The following CELSR2 variants were observed in gnomAD, a reference collection of about 807,000 sequenced individuals.
CELSR2 encodes the protein EGF-like protein 2.
Under a neutral mutation model 251.6 loss-of-function variants are expected in CELSR2, and 81 were observed. That is an observed-to-expected ratio of 0.32 (90% confidence interval 0.27 to 0.39). The LOEUF is 0.39. CELSR2 is among the 10% of genes least tolerant of loss of function. The pLI is 1.00. For synonymous variants in CELSR2, 1,721 were observed against 1,670.5 expected (o/e 1.03, Z -0.74); for missense variants, 3,365 against 3,947.7 (o/e 0.85, Z 3.96).
At position 109,249,759 on chromosome 1, in the gene CELSR2, C is replaced by T. The variant is rs1655619804; in HGVS notation, c.-321C>T. On this transcript the variant is annotated 5_prime_UTR_variant, in exon 1 of 34. Transcript: ENST00000271332. ...GGCACCCCGGCTCCGGAACCCGGGGCCCGGCAAGGCCAGGGGCGCCGCGGG... is the reference window on the plus strand; with the variant it reads ...GGCACCCCGGCTCCGGAACCCGGGGTCCGGCAAGGCCAGGGGCGCCGCGGG... Among the ~76,000 whole-genome samples, 1 of 149,474 alleles carries T rather than the reference C, an allele frequency of 6.7e-6. No homozygotes were observed. The highest frequency in any genetic ancestry group is 1.5e-5 in the Non-Finnish European group (1 of 67,074).
At chr1:109,273,409 A>G in intron 32 of CELSR2, 27 bp from the exon 33 acceptor site, 19 of 1,607,294 alleles carry the variant, frequency 1.2e-5, no homozygotes, top group Non-Finnish European at 1.4e-5. Context: ...CTGTGGCCGC[A>G]CCTCACAGCC....
Position 109,273,243 on chromosome 1 carries a change from G to A in CELSR2, c.8416G>A (p.Ala2806Thr), listed in dbSNP as rs1198659317. 2 of 1,612,992 alleles carry A rather than the reference G, an allele frequency of 1.2e-6. No homozygotes were observed. Among genetic ancestry groups the A allele is most frequent in the Non-Finnish European group, 8.5e-7 (1 of 1,179,528 alleles). ...TTAKESSGNG[A>T]PEERLRENGD... Reference sequence around the variant, plus strand: ...AGCAAAAGAGAGTAGTGGCAACGGGGCCCCTGAGGAGCGGCTGCGGGAGAA... The same window carrying A: ...AGCAAAAGAGAGTAGTGGCAACGGGACCCCTGAGGAGCGGCTGCGGGAGAA... Residue 2806 changes from alanine (A) to threonine (T), a missense_variant, in exon 32 of 34, where the codon GCC becomes ACC. Ala to Thr is a moderately conservative substitution (Grantham distance 58). This residue lies in a region of CELSR2 where 2,093 missense variants were observed against 2,382.8 expected (regional missense o/e 0.88). Transcript: ENST00000271332.
intron 8 of CELSR2, 103 bp downstream of exon 8, chr1:109,263,370 T>TCA: frequency 6.8e-7 from 1 of 1,472,310 alleles, no homozygotes; most frequent in Non-Finnish European, 9.0e-7. Flanking sequence ...TGAGCGGGGC[T>TCA]GTGGGTGGAA....
At chr1:109,255,253 T>A (rs1655813776) in intron 1 of CELSR2, among the ~76,000 whole-genome samples, 1 of 152,212 alleles carries the variant, frequency 6.6e-6, no homozygotes, top group East Asian at 1.9e-4. Context: ...TGTCTCTTCT[T>A]TCTTTCCCGC....
At chr1:109,272,617 C>T (rs1383946604) in intron 29 of CELSR2, 23 bp from the exon 30 acceptor site, 1 of 1,606,030 alleles carries the variant, frequency 6.2e-7, no homozygotes, top group Admixed American at 1.7e-5. Context: ...GCTGACCCCT[C>T]CAGCATGGTC....
intron 23 of CELSR2, 104 bp downstream of exon 23, chr1:109,270,237 C>A: frequency 7.4e-7 from 1 of 1,343,244 alleles, no homozygotes; most frequent in Non-Finnish European, 1.0e-6. Flanking sequence ...TAATAAGGTG[C>A]CTAGTGCAGC....
intron 2 of CELSR2, among the ~76,000 whole-genome samples, 155 bp from the exon 3 acceptor site, chr1:109,260,887 G>T (rs1326125654): frequency 6.6e-6 from 1 of 152,162 alleles, no homozygotes; most frequent in African/African-American, 2.4e-5. Flanking sequence ...TCTCAGAGAA[G>T]ATGGCACACG....
chr1:109,271,797 G>C, intron 28 of CELSR2, 75 bp downstream of exon 28: 2 of 1,542,360 alleles, frequency 1.3e-6, no homozygotes, highest in South Asian at 1.2e-5. Flanking sequence ...TGTACTTTTG[G>C]CCCCACTCCC....
rs1308417239 is a variant in CELSR2, at chr1:109,274,698, C to T, written c.*649C>T. 6.5e-6 allele frequency: 1 copy of T among 153,010 alleles called. No individual in the cohort carries two copies. The highest frequency in any genetic ancestry group is 2.4e-5 in the African/African-American group (1 of 41,452). 9.5% of individuals were successfully genotyped at this position (153,010 alleles called of 1,614,324 possible). ...GTGAGGGGGCAGAAGGACTCAGCGC[C>T]CCTGGACCCCCAAATGCTGCATGAA... is the stretch of plus-strand genomic sequence containing the variant. On this transcript the variant is annotated 3_prime_UTR_variant, in exon 34 of 34. Transcript: ENST00000271332.
rs1189847896 is a variant in CELSR2, at chr1:109,261,938, C to A, written c.4386+42C>A. 6.5e-7 allele frequency: 1 copy of A among 1,536,390 alleles called. No homozygotes were observed. The highest frequency in any genetic ancestry group is 1.4e-5 in the African/African-American group (1 of 72,662). On this transcript the variant is annotated intron_variant, in intron 5 of 33. Coordinates refer to ENST00000271332, the MANE Select transcript of CELSR2 (RefSeq NM_001408.3). The surrounding 1 kb of genome is among the most constrained non-coding windows in gnomAD (Gnocchi z 4.8). ...CAGAGGGTTGGGGGTTCTGTTCTTG[C>A]CTCAGGTGCTTACCCAGCCCTGAGT...
rs1655708160 is a variant in CELSR2 at position 109,252,068 on chromosome 1, T to C, written c.1989T>C (p.Gly663=). The change falls in exon 1 of 34, where the codon GGT becomes GGC. Residue 663 remains glycine (G), a synonymous_variant. Transcript: ENST00000271332. This position sits in a 1 kb window ranked among gnomAD's most constrained non-coding sequence, Gnocchi z 4.8. The part of the protein sequence containing the change: ...RNRFSITSQS[G]GGLVSLALPL... ...GCTTCTCCATCACCAGCCAAAGTGGTGGTGGGCTGGTATCCCTTGCCCTGC... is the reference window on the plus strand; with the variant it reads ...GCTTCTCCATCACCAGCCAAAGTGGCGGTGGGCTGGTATCCCTTGCCCTGC... 3 of 1,614,034 alleles carry C rather than the reference T, an allele frequency of 1.9e-6. No homozygotes were observed. Among genetic ancestry groups the C allele is most frequent in the Non-Finnish European group, 2.5e-6 (3 of 1,180,004 alleles).
Position 109,258,997 on chromosome 1 carries a change from C to T in CELSR2, c.3876C>T (p.Cys1292=), listed in dbSNP as rs1463228678. The T allele has an allele frequency of 6.2e-7, 1 of 1,606,808 alleles. No homozygotes were observed. Among genetic ancestry groups the T allele is most frequent in the Non-Finnish European group, 8.5e-7 (1 of 1,179,152 alleles). The stretch of plus-strand genomic sequence containing the variant: ...ACTGCGAGACCGAGGTGGACCTCTG[C>T]TACTCGCGGCCCTGTGGCCCCCACG... The part of the protein sequence containing the change: ...GDYCETEVDL[C]YSRPCGPHGR... The change falls in exon 2 of 34, where the codon TGC becomes TGT. Residue 1292 remains cysteine, a synonymous_variant. Transcript: ENST00000271332.
Position 109,270,449 on chromosome 1 carries a change from C to T in CELSR2, c.7332C>T (p.Ile2444=). 6.2e-7 allele frequency: 1 copy of T among 1,614,214 alleles called. No homozygotes were observed. Among genetic ancestry groups the T allele is most frequent in the East Asian group, 2.2e-5 (1 of 44,882 alleles). ...AGTTTGCCTGCACAGTCATTGCCAT[C>T]CTGCTGCACTTCCTGTACCTCTGCA... The part of the protein sequence containing the change: ...DLPFACTVIA[I]LLHFLYLCTF... Residue 2444 remains isoleucine, a synonymous_variant, in exon 24 of 34, where the codon ATC becomes ATT. Coordinates refer to ENST00000271332, the MANE Select transcript of CELSR2 (RefSeq NM_001408.3).
In CELSR2 at chr1:109,251,636, C is replaced by T; in HGVS notation, c.1557C>T (p.Pro519=). ...AGGCTACTGTCCTGGAGAGTGTCCC[C>T]TTAGGCTACCTGGTTCTCCATGTCC... ...PFQATVLESV[P]LGYLVLHVQA... is the part of the protein sequence containing the mutation. Residue 519 remains proline (P), a synonymous_variant, in exon 1 of 34, where the codon CCC becomes CCT. Coordinates refer to ENST00000271332, the MANE Select transcript of CELSR2 (RefSeq NM_001408.3). This position sits in a 1 kb window ranked among gnomAD's most constrained non-coding sequence, Gnocchi z 4.9. The T allele has an allele frequency of 6.2e-7, 1 of 1,613,878 alleles. No homozygotes were observed. Among genetic ancestry groups the T allele is most frequent in the Non-Finnish European group, 8.5e-7 (1 of 1,179,884 alleles).
chr1:109,271,292 C>T lies in CELSR2; in HGVS notation c.7672C>T (p.Pro2558Ser). ...AQRQGFEKKG[P>S]VSGLQPSFAV... ...GCGGCAGGGCTTTGAGAAGAAAGGT[C>T]CTGTGTGAGTATAGGGTTGGGGTGC... Residue 2558 changes from proline (P) to serine (S), a missense_variant, in exon 26 of 34, where the codon CCT (proline) becomes TCT (serine). By Grantham distance (74) the Pro-to-Ser change is moderately conservative. This residue lies in a region of CELSR2 where 2,093 missense variants were observed against 2,382.8 expected (regional missense o/e 0.88). Transcript: ENST00000271332. 6.2e-7 allele frequency: 1 copy of T among 1,613,910 alleles called. No homozygotes were observed. The highest frequency in any genetic ancestry group is 8.5e-7 in the Non-Finnish European group (1 of 1,180,004).
chr1:109,273,441 C>A lies in CELSR2; in HGVS notation c.8515C>A (p.Leu2839Ile). 1.2e-6 allele frequency: 2 copies of A among 1,611,676 alleles called. No homozygotes were observed. Among genetic ancestry groups the A allele is most frequent in the Non-Finnish European group, 1.7e-6 (2 of 1,179,174 alleles). ...AGCCCCGCCCCGGCCCACAGGCATC[C>A]TTAAGAAGAAGTGTCTGCCCACCAT... ...GSSAQPHKGI[L>I]KKKCLPTISE... The change falls in exon 33 of 34, where the codon CTT becomes ATT. Residue 2839 changes from leucine (L) to isoleucine (I), a missense_variant. Coordinates refer to ENST00000271332, the MANE Select transcript of CELSR2 (RefSeq NM_001408.3).
rs372653156 is a variant in CELSR2 at position 109,273,977 on chromosome 1, C to T, written c.8745-45C>T. 21 of 1,609,370 alleles carry T rather than the reference C, an allele frequency of 1.3e-5. No homozygotes were observed. The African/African-American group carries it at 1.5e-4, about 11-fold the overall frequency. On this transcript the variant is annotated intron_variant, in intron 33 of 33. Coordinates refer to ENST00000271332, the MANE Select transcript of CELSR2 (RefSeq NM_001408.3). ...TCACTCTCTCCTCTGTTTCAACTAA[C>T]CCTCTGTCTGCCTTTTCTGCCACTT...
At chr1:109,260,951 G>A in intron 2 of CELSR2, 91 bp from the exon 3 acceptor site, 1 of 942,522 alleles carries the variant, frequency 1.1e-6, no homozygotes, top group Non-Finnish European at 1.6e-6. Flanking sequence ...GGTCACGGGA[G>A]GCCATGGGAG....
At chr1:109,263,556 C>G in intron 8 of CELSR2, 55 bp from the exon 9 acceptor site, 1 of 1,596,516 alleles carries the variant, frequency 6.3e-7, no homozygotes, top group South Asian at 1.1e-5. Context: ...GCATCACAGC[C>G]CCAGGGCCCT....
Sources: gnomAD v4.1 joint callset for allele counts (sites outside exome capture counted in the v4.1 genomes callset) on GRCh38, gnomAD v4.1.1 for gene constraint, gnomAD v4.1.1 regional missense constraint, Gnocchi (gnomAD v3.1) non-coding constraint, MANE v1.5 for transcripts, NCBI Gene and HGNC (gene_info 2026-07-23, HGNC 2026-07-21) for gene names.